Variants in PRC1 observed in about 807,000 individuals in gnomAD.
PRC1 encodes the protein protein regulator of cytokinesis 1, also known as anaphase spindle elongation 1 homolog.
A neutral mutation model predicts 91.2 loss-of-function variants in PRC1; 54 were observed. The observed-to-expected ratio is 0.59, with a 90% CI of 0.48 to 0.74. The LOEUF (loss-of-function observed/expected upper bound fraction) is 0.74. Among genes scored for constraint, PRC1 ranks in the 30% least tolerant of loss-of-function variants. The pLI is 0.00. For missense variants in PRC1, 727 were observed against 746.2 expected (o/e 0.97, Z 0.30); for synonymous variants, 275 against 263.6 (o/e 1.04, Z -0.42).
intron 1 of PRC1, among the ~76,000 whole-genome samples, chr15:90,992,099 G>T (rs76119208): frequency 0.16 from 24,803 of 152,016 alleles, 2,440 homozygotes; most frequent in East Asian, 0.49. Context: ...TTTCCCCCAT[G>T]CTGCATGGCT....
At chr15:90,977,054 T>G (rs1166833054) in intron 8 of PRC1, among the ~76,000 whole-genome samples, 1 of 142,598 alleles carries the variant, frequency 7.0e-6, no homozygotes, top group Non-Finnish European at 1.5e-5. Context: ...CACTTGAACC[T>G]GGGTGGCGTG....
In PRC1 at chr15:90,994,456, C is replaced by CT; in HGVS notation, c.-40dup. 1.2e-6 allele frequency: 2 copies of CT among 1,604,298 alleles called. No homozygotes were observed. Among genetic ancestry groups the CT allele is most frequent in the Non-Finnish European group, 1.7e-6 (2 of 1,174,744 alleles). On this transcript the variant is annotated 5_prime_UTR_variant, in exon 1 of 15. Transcript: ENST00000394249. ...AGCAGCCGTGAGTCCAGGTCCAGAC[C>CT]TACTCCACACGGCCCCGAGAGCAAC...
chr15:90,968,261 TAGA>T (rs1327701871), intron 14 of PRC1: 1 of 985,300 alleles, frequency 1.0e-6, no homozygotes, highest in Non-Finnish European at 1.2e-6. Context: ...CTTTTAAAGG[TAGA>T]AGCACCACCA....
intron 1 of PRC1, among the ~76,000 whole-genome samples, chr15:90,986,547 G>A (rs1437401159): frequency 1.3e-5 from 2 of 152,124 alleles, no homozygotes; most frequent in East Asian, 1.9e-4. Flanking sequence ...GCTTGAACCC[G>A]GGAGGCAGGG....
intron 14 of PRC1, chr15:90,967,943 C>G (rs972768081): frequency 5.9e-5 from 58 of 985,278 alleles, no homozygotes; most frequent in Non-Finnish European, 6.6e-5. Context: ...CTACCAATCC[C>G]TGGGGCTGAG....
intron 11 of PRC1, among the ~76,000 whole-genome samples, chr15:90,971,677 A>G (rs1256573150): frequency 1.3e-5 from 2 of 151,336 alleles, no homozygotes; most frequent in East Asian, 1.9e-4. Flanking sequence ...CCTGACCAAC[A>G]TGGAGAAACC....
chr15:90,976,635 CTT>C lies in PRC1; in HGVS notation c.1203+39_1203+40del, dbSNP rs751246213. The C allele has an allele frequency of 1.6e-5, 24 of 1,457,246 alleles. No individual in the cohort carries two copies. In the South Asian group the frequency reaches 2.8e-4, roughly 17 times the overall value. The allele number at this position is 1,457,246 out of a possible 1,614,324, so 90.3% of individuals were successfully genotyped here. Reference sequence around the variant, plus strand: ...AAAAGACATACAAATAGTGAGGTATCTTTGTAACCAAGCATCAAAAACCCTTA... The same window carrying C: ...AAAAGACATACAAATAGTGAGGTATCTGTAACCAAGCATCAAAAACCCTTA... On this transcript the variant is annotated intron_variant, in intron 9 of 14. Coordinates refer to ENST00000394249, the MANE Select transcript of PRC1 (RefSeq NM_003981.4).
At chr15:90,994,378 C>A (rs1216937936) in intron 1 of PRC1, 29 bp downstream of exon 1, 5 of 1,612,318 alleles carry the variant, frequency 3.1e-6, no homozygotes, top group Non-Finnish European at 4.2e-6. Flanking sequence ...CTCCCTCCCG[C>A]GTCCCCTCGA....
intron 3 of PRC1, among the ~76,000 whole-genome samples, chr15:90,983,113 A>T (rs2039333125): frequency 6.6e-6 from 1 of 152,182 alleles, no homozygotes; most frequent in Non-Finnish European, 1.5e-5. Flanking sequence ...TATGTCCAAA[A>T]TCAATTATAT....
chr15:90,967,909 A>T, intron 14 of PRC1: 1 of 985,472 alleles, frequency 1.0e-6, no homozygotes, highest in Non-Finnish European at 1.2e-6. Flanking sequence ...AGCCCTTTAT[A>T]AAACAATGGG....
At chr15:90,992,052 G>C (rs1310109887) in intron 1 of PRC1, among the ~76,000 whole-genome samples, 1 of 152,044 alleles carries the variant, frequency 6.6e-6, no homozygotes, top group Non-Finnish European at 1.5e-5. Flanking sequence ...CTCCCCTTAG[G>C]GCACTTGGAT....
Position 90,968,893 on chromosome 15 carries a change from A to C in PRC1, c.1791+186T>G, listed in dbSNP as rs2037789777. ...TGAGAATCCAATTCAAGTCTGAACA[A>C]ATTTTATTAATTAATCTGTTGTGAA... On this transcript the variant is annotated intron_variant, in intron 14 of 14. Coordinates refer to ENST00000394249, the MANE Select transcript of PRC1 (RefSeq NM_003981.4). 4 of 1,407,764 alleles carry C rather than the reference A, an allele frequency of 2.8e-6. No individual in the cohort carries two copies. In the South Asian group the frequency reaches 6.4e-5, roughly 23 times the overall value. 87.2% of individuals were successfully genotyped at this position (1,407,764 alleles called of 1,614,324 possible). A position where few individuals can be genotyped will look rare whatever the true frequency, so the allele number is the denominator to read the frequency against.
At chr15:90,994,092 G>T (rs1013763957) in intron 1 of PRC1, among the ~76,000 whole-genome samples, 2 of 152,096 alleles carry the variant, frequency 1.3e-5, no homozygotes, top group Non-Finnish European at 2.9e-5. Context: ...CGCCTGGGTG[G>T]AGGCCGCCCC....
intron 3 of PRC1, 64 bp downstream of exon 3, chr15:90,983,954 A>G: frequency 6.3e-7 from 1 of 1,580,466 alleles, no homozygotes; most frequent in Non-Finnish European, 8.6e-7. Flanking sequence ...GGCCCAAGTC[A>G]ACGTTGCTTT....
At chr15:90,969,174 G>A (rs553207388) in intron 13 of PRC1, 54 bp from the exon 14 acceptor site, 42 of 1,552,324 alleles carry the variant, frequency 2.7e-5, no homozygotes, top group Non-Finnish European at 3.4e-5. Flanking sequence ...AGAGCACCAG[G>A]ACAGTGATAG....
chr15:90,969,194 C>T (rs1343477295), intron 13 of PRC1, 74 bp from the exon 14 acceptor site: 9 of 1,474,952 alleles, frequency 6.1e-6, no homozygotes, highest in Non-Finnish European at 4.7e-6. Context: ...GAGGGGTTGC[C>T]TCCTGCAGCC....
rs1485190725 is a variant in PRC1, at chr15:90,976,373, AC to A, written c.1203+302del. Among the ~76,000 whole-genome samples, 175 of 150,766 alleles carry A rather than the reference AC, an allele frequency of 1.2e-3. 4 individuals carry two copies. Among genetic ancestry groups the A allele is most frequent in the African/African-American group, 2.6e-3 (105 of 41,116 alleles). Reference sequence around the variant, plus strand: ...AGACCAGGCTGGTCTTGAACTCCTGACCTCATGATCAAGACCAGGCTGGTCT... The same window carrying A: ...AGACCAGGCTGGTCTTGAACTCCTGACTCATGATCAAGACCAGGCTGGTCT... On this transcript the variant is annotated intron_variant, in intron 9 of 14. Transcript: ENST00000394249.
intron 13 of PRC1, 92 bp from the exon 14 acceptor site, chr15:90,969,212 G>A (rs2037827676): frequency 7.2e-7 from 1 of 1,380,164 alleles, no homozygotes; most frequent in South Asian, 1.2e-5. Flanking sequence ...GCCAGGGAAT[G>A]GTATGTATTA....
chr15:90,976,179 C>T (rs1051093800), intron 9 of PRC1, among the ~76,000 whole-genome samples: 1 of 152,106 alleles, frequency 6.6e-6, no homozygotes, highest in Non-Finnish European at 1.5e-5. Flanking sequence ...ACCTCTGCCT[C>T]CTGGGTTCAA....
Sources: gnomAD v4.1 joint callset for allele counts (sites outside exome capture counted in the v4.1 genomes callset) on GRCh38, gnomAD v4.1.1 for gene constraint, MANE v1.5 for transcripts, NCBI Gene and HGNC (gene_info 2026-07-23, HGNC 2026-07-21) for gene names.